Variants in CLMP observed in about 807,000 individuals in gnomAD.
CLMP encodes the protein CXADR like cell adhesion molecule.
Under a neutral mutation model 45.2 loss-of-function variants are expected in CLMP, and 27 were observed. The ratio of observed to expected loss-of-function variants is 0.60; its 90% CI spans 0.44 to 0.82. CLMP has a LOEUF of 0.82. Ranked by LOEUF, CLMP falls within the 40% of genes least tolerant of loss-of-function variation. The probability of loss-of-function intolerance (pLI) is 0.00; values close to 1 mark genes in which losing one functional copy is unlikely to be tolerated. For synonymous variants in CLMP, 167 were observed against 171.4 expected (o/e 0.97, Z 0.20); for missense variants, 403 against 448.4 (o/e 0.90, Z 0.91).
In CLMP at chr11:123,150,484, G is replaced by GAAAGAAAGAAAGA. The variant is rs1565397469; in HGVS notation, c.28+44428_28+44429insTCTTTCTTTCTTT. On this transcript the variant is annotated intron_variant, in intron 1 of 6. Transcript: ENST00000448775. ...GAAAGAAAGAAAGAAAGAAAGAAAGGAAGGAAGGAAGGAAGGAAGGAAGGA... is the reference window on the plus strand; with the variant it reads ...GAAAGAAAGAAAGAAAGAAAGAAAGGAAAGAAAGAAAGAAAGGAAGGAAGGAAGGAAGGAAGGA... Among the ~76,000 whole-genome samples the GAAAGAAAGAAAGA allele has an allele frequency of 3.1e-3, 102 of 32,998 alleles. 4 individuals carry two copies. The highest frequency in any genetic ancestry group is 8.8e-3 in the East Asian group (8 of 908). 21.6% of individuals were successfully genotyped at this position (32,998 alleles called of 152,430 possible). A position where few individuals can be genotyped will look rare whatever the true frequency, so the allele number is the denominator to read the frequency against.
chr11:123,130,096 T>C (rs1026835043), intron 1 of CLMP, among the ~76,000 whole-genome samples: 1 of 152,040 alleles, frequency 6.6e-6, no homozygotes, highest in Non-Finnish European at 1.5e-5. Flanking sequence ...TGGAAACCTC[T>C]CTTCATAGGA....
chr11:123,174,767 T>C (rs1195480249), intron 1 of CLMP, among the ~76,000 whole-genome samples: 6 of 152,194 alleles, frequency 3.9e-5, no homozygotes, highest in Admixed American at 3.9e-4. Flanking sequence ...CACTTAGGAT[T>C]TTTTAAATGG....
chr11:123,151,685 C>T (rs1208587101), intron 1 of CLMP, among the ~76,000 whole-genome samples: 12 of 152,200 alleles, frequency 7.9e-5, no homozygotes, highest in African/African-American at 2.9e-4. Flanking sequence ...CGTGTTCCTA[C>T]TTAGCAAAGG....
chr11:123,152,928 T>C lies in CLMP; in HGVS notation c.28+41985A>G, dbSNP rs114135743. Reference sequence around the variant, plus strand: ...TTGAGCATAGAGGTTGTGTGCGTAATATCTGGAGGGAGAGAAGGATGTTGG... The same window carrying C: ...TTGAGCATAGAGGTTGTGTGCGTAACATCTGGAGGGAGAGAAGGATGTTGG... On this transcript the variant is annotated intron_variant, in intron 1 of 6. Coordinates refer to ENST00000448775, the MANE Select transcript of CLMP (RefSeq NM_024769.5). Among the ~76,000 whole-genome samples the C allele has an allele frequency of 2.6e-4, 39 of 152,228 alleles. 3 individuals are homozygous for C. Among genetic ancestry groups the C allele is most frequent in the African/African-American group, 8.4e-4 (35 of 41,524 alleles).
intron 1 of CLMP, among the ~76,000 whole-genome samples, chr11:123,182,653 G>C (rs1268041121): frequency 6.6e-6 from 1 of 152,174 alleles, no homozygotes; most frequent in East Asian, 1.9e-4. Context: ...AAGAACACAG[G>C]CTACTGCTGT....
chr11:123,078,090 GA>G (rs1318624917), intron 5 of CLMP, among the ~76,000 whole-genome samples: 1 of 151,816 alleles, frequency 6.6e-6, no homozygotes. Flanking sequence ...TGTGCAACAA[GA>G]GTGAAACTCT....
In CLMP at chr11:123,073,061, T is replaced by C. The variant is rs1591446115; in HGVS notation, c.*413A>G. 1 of 167,356 alleles carries C rather than the reference T, an allele frequency of 6.0e-6. No individual in the cohort carries two copies. Among genetic ancestry groups the C allele is most frequent in the Middle Eastern group, 3.0e-3 (1 of 332 alleles). 10.4% of individuals were successfully genotyped at this position (167,356 alleles called of 1,614,324 possible). A position where few individuals can be genotyped will look rare whatever the true frequency, so the allele number is the denominator to read the frequency against. On this transcript the variant is annotated 3_prime_UTR_variant, in exon 7 of 7. Coordinates refer to ENST00000448775, the MANE Select transcript of CLMP (RefSeq NM_024769.5). Reference sequence around the variant, plus strand: ...CTGAATAACTAATAATCCAATAAGTTTGCAGAAATGCATAGAAAATTTACA... The same window carrying C: ...CTGAATAACTAATAATCCAATAAGTCTGCAGAAATGCATAGAAAATTTACA...
chr11:123,118,958 TTTCTTTCTTTC>T (rs1860759556), intron 1 of CLMP, among the ~76,000 whole-genome samples: 1 of 35,306 alleles, frequency 2.8e-5, no homozygotes, highest in Non-Finnish European at 5.5e-5. Context: ...TCTTTCTTTC[TTTCTTTCTTTC>T]TTTCTTTCTT....
chr11:123,120,225 A>C (rs1181462191), intron 1 of CLMP, among the ~76,000 whole-genome samples: 1 of 152,178 alleles, frequency 6.6e-6, no homozygotes, highest in Non-Finnish European at 1.5e-5. Flanking sequence ...GATTGAGACC[A>C]ACCTGGGCAA....
chr11:123,137,584 C>G (rs1861095195), intron 1 of CLMP, among the ~76,000 whole-genome samples: 1 of 151,968 alleles, frequency 6.6e-6, no homozygotes, highest in Non-Finnish European at 1.5e-5. Flanking sequence ...TAGGCTGTCC[C>G]CAGAGATGAG....
At chr11:123,170,910 A>T (rs531680127) in intron 1 of CLMP, among the ~76,000 whole-genome samples, 1 of 152,326 alleles carries the variant, frequency 6.6e-6, no homozygotes. Flanking sequence ...GCACTGGGCA[A>T]ACCAAGACGA....
chr11:123,075,646 C>T (rs923446296), intron 5 of CLMP, among the ~76,000 whole-genome samples: 1 of 149,974 alleles, frequency 6.7e-6, no homozygotes, highest in Non-Finnish European at 1.5e-5. Context: ...CTCGTTCTCC[C>T]AAAGTGCTGG....
At chr11:123,136,356 A>G (rs998591218) in intron 1 of CLMP, 2 of 566,166 alleles carry the variant, frequency 3.5e-6, no homozygotes, top group African/African-American at 3.8e-5. Context: ...TCACTTTCAT[A>G]TTCTTGGGGA....
intron 1 of CLMP, among the ~76,000 whole-genome samples, chr11:123,171,097 G>T (rs1250537756): frequency 1.3e-5 from 2 of 152,144 alleles, no homozygotes; most frequent in Non-Finnish European, 2.9e-5. Context: ...TTTCCCAGAG[G>T]GGCTAACCTC....
Position 123,069,936 on chromosome 11 carries a change from T to C in CLMP, c.*3538A>G, listed in dbSNP as rs1865653295. ...GCATCCATAATAAATATTTGGTTTT[T>C]GTGATGCTGAAACACAGTCCCAATT... is the stretch of plus-strand genomic sequence containing the variant. On this transcript the variant is annotated 3_prime_UTR_variant, in exon 7 of 7. Transcript: ENST00000448775. 1 of 152,240 alleles carries C rather than the reference T, an allele frequency of 6.6e-6. No homozygotes were observed. The highest frequency in any genetic ancestry group is 2.4e-5 in the African/African-American group (1 of 41,462). The allele number at this position is 152,240 out of a possible 1,614,324, so 9.4% of individuals were successfully genotyped here. A position where few individuals can be genotyped will look rare whatever the true frequency, so the allele number is the denominator to read the frequency against.
At chr11:123,140,350 G>T (rs916000204) in intron 1 of CLMP, among the ~76,000 whole-genome samples, 1 of 152,142 alleles carries the variant, frequency 6.6e-6, no homozygotes, top group Non-Finnish European at 1.5e-5. Flanking sequence ...ACCTCTGAAA[G>T]GTTATTAGAT....
chr11:123,112,338 CTTT>C (rs544128953), intron 1 of CLMP, among the ~76,000 whole-genome samples: 6 of 137,554 alleles, frequency 4.4e-5, no homozygotes, highest in Admixed American at 7.7e-5. Context: ...TTTTCTTTTT[CTTT>C]TTTTTTTTTT....
In CLMP at chr11:123,128,856, CT is replaced by C. The variant is rs1272822022; in HGVS notation, c.29-30905del. 2.0e-5 allele frequency among the ~76,000 whole-genome samples: 3 copies of C among 152,192 alleles called. No individual in the cohort carries two copies. The South Asian group carries it at 6.2e-4, about 32-fold the overall frequency. ...TGGCTAAGAGCTCTGTGAACAGCAT[CT>C]TTTTTAATCCTTACACAACCCCATA... On this transcript the variant is annotated intron_variant, in intron 1 of 6. Coordinates refer to ENST00000448775, the MANE Select transcript of CLMP (RefSeq NM_024769.5).
chr11:123,091,678 G>T (rs1420377164), intron 2 of CLMP, among the ~76,000 whole-genome samples: 2 of 152,254 alleles, frequency 1.3e-5, no homozygotes, highest in East Asian at 3.9e-4. Flanking sequence ...TTAATTATTT[G>T]CTCAGTGTTA....
Sources: gnomAD v4.1 joint callset for allele counts (sites outside exome capture counted in the v4.1 genomes callset) on GRCh38, gnomAD v4.1.1 for gene constraint, MANE v1.5 for transcripts, NCBI Gene and HGNC (gene_info 2026-07-23, HGNC 2026-07-21) for gene names.